ZBTB37: variants seen among roughly 807,000 people sequenced by gnomAD.
ZBTB37 encodes the protein zinc finger and BTB domain containing 37.
In ZBTB37, 15 loss-of-function variants were observed where a neutral mutation model predicts 37.7. The observed-to-expected ratio is 0.40, with a 90% CI of 0.27 to 0.61. The LOEUF is 0.61. ZBTB37 is among the 20% of genes least tolerant of loss of function. ZBTB37 has a pLI of 0.44. For missense variants in ZBTB37, 514 were observed against 641.9 expected, an observed-to-expected ratio of 0.80 and a Z score of 2.15; for synonymous variants, 231 against 220.6, an observed-to-expected ratio of 1.05 and a Z score of -0.42.
rs199910451 is a variant in ZBTB37 at position 173,871,017 on chromosome 1, T to C, written c.792T>C (p.Asp264=). The C allele has an allele frequency of 6.3e-5, 101 of 1,614,086 alleles. No homozygotes were observed. In the East Asian group the frequency reaches 2.0e-3, roughly 32 times the overall value. Residue 264 remains aspartate (D), a synonymous_variant, in exon 3 of 5, where the codon GAT becomes GAC. Transcript: ENST00000427304. ...CTGAGAATCAGCCTTCTGGAGAAGA[T>C]GGGAGTAGTGCAGAGGAAGTAACAG...
At chr1:173,872,385 A>AT (rs1655631910) in intron 3 of ZBTB37, among the ~76,000 whole-genome samples, 1 of 150,206 alleles carries the variant, frequency 6.7e-6, no homozygotes, top group Non-Finnish European at 1.5e-5. Context: ...ATTTTATTTT[A>AT]TTTTTGAGAT....
chr1:173,872,005 A>G (rs1241754427), intron 3 of ZBTB37, among the ~76,000 whole-genome samples: 1 of 152,232 alleles, frequency 6.6e-6, no homozygotes, highest in Non-Finnish European at 1.5e-5. Flanking sequence ...GTCTTGAGAA[A>G]CAAATGTATC....
downstream of ZBTB37, chr1:173,887,752 G>T (rs2102753597): frequency 6.6e-6 from 1 of 152,336 alleles, no homozygotes; most frequent in African/African-American, 2.4e-5. Flanking sequence ...TTGTTTCAGT[G>T]CAGAGGCATA....
intron 4 of ZBTB37, among the ~76,000 whole-genome samples, chr1:173,874,255 CAAAA>C (rs1285477473): frequency 8.6e-5 from 4 of 46,768 alleles, no homozygotes; most frequent in Non-Finnish European, 1.3e-4. Context: ...AACTCCGTCT[CAAAA>C]AAAAAAAAAA....
chr1:173,870,167 T>G, intron 2 of ZBTB37, 33 bp from the exon 3 acceptor site: 6 of 1,369,922 alleles, frequency 4.4e-6, no homozygotes, highest in Non-Finnish European at 5.9e-6. Context: ...AAATTATAAT[T>G]ATTAATGAGA....
chr1:173,895,843 C>A (rs969482766), exon 4 of ZBTB37: 1 of 152,142 alleles, frequency 6.6e-6, no homozygotes, highest in Non-Finnish European at 1.5e-5. Flanking sequence ...TAGACTGTTC[C>A]TGCTCTGAGA....
At chr1:173,870,623 A>T in exon 3 of ZBTB37, 5 of 1,614,192 alleles carry the variant, frequency 3.1e-6, no homozygotes, top group Non-Finnish European at 4.2e-6. Flanking sequence ...AATGTGGCTG[A>T]GGTTGAAGCA....
chr1:173,875,622 C>T (rs578251799), intron 4 of ZBTB37, among the ~76,000 whole-genome samples: 4 of 152,034 alleles, frequency 2.6e-5, no homozygotes, highest in Non-Finnish European at 5.9e-5. Context: ...CCACCGCGCC[C>T]GGCCTGCATT....
chr1:173,899,397 T>G (rs1041007294), exon 4 of ZBTB37: 6 of 152,188 alleles, frequency 3.9e-5, no homozygotes, highest in Non-Finnish European at 8.8e-5. Flanking sequence ...AATCAGTACT[T>G]TACTGTTGCT....
chr1:173,880,259 A>G (rs941983488), intron 4 of ZBTB37, among the ~76,000 whole-genome samples: 29 of 152,220 alleles, frequency 1.9e-4, no homozygotes, highest in Admixed American at 1.6e-3. Flanking sequence ...GTTGCCCAAT[A>G]AATAGGCACC....
At chr1:173,880,912 T>C (rs1404289897) in intron 4 of ZBTB37, among the ~76,000 whole-genome samples, 1 of 152,182 alleles carries the variant, frequency 6.6e-6, no homozygotes, top group East Asian at 1.9e-4. Flanking sequence ...AATACTGGTA[T>C]GATATTACCT....
exon 4 of ZBTB37, chr1:173,895,463 C>A (rs1330380999): frequency 6.6e-6 from 1 of 152,152 alleles, no homozygotes; most frequent in Middle Eastern, 3.2e-3. Context: ...TTTAAGTTTA[C>A]AAATAGGTGA....
downstream of ZBTB37, chr1:173,891,274 TGAA>T (rs1055499463): frequency 6.6e-6 from 1 of 152,384 alleles, no homozygotes; most frequent in African/African-American, 2.4e-5. Flanking sequence ...AATTTCATTA[TGAA>T]GAAGTATTTT....
At chr1:173,903,074 C>CT (rs756780269) in exon 4 of ZBTB37, 32 of 152,158 alleles carry the variant, frequency 2.1e-4, no homozygotes, top group Non-Finnish European at 3.7e-4. Context: ...CACAAAGACT[C>CT]TAAGACACGA....
At chr1:173,870,708 C>T in exon 3 of ZBTB37, 7 of 1,614,210 alleles carry the variant, frequency 4.3e-6, no homozygotes, top group Non-Finnish European at 5.9e-6. Flanking sequence ...ATCTCAACCG[C>T]TCCCTTAGCC....
chr1:173,871,218 A>G (rs1015643721), intron 3 of ZBTB37, 70 bp downstream of exon 3: 4 of 1,378,864 alleles, frequency 2.9e-6, no homozygotes, highest in East Asian at 2.5e-5. Context: ...TGTCCTCTGT[A>G]GTACAGAGAG....
exon 4 of ZBTB37, chr1:173,894,280 T>C (rs1331282783): frequency 6.6e-6 from 1 of 152,202 alleles, no homozygotes; most frequent in Non-Finnish European, 1.5e-5. Context: ...TTACTTAAAA[T>C]CAACCATTTC....
chr1:173,883,332 T>C (rs1235406479), intron 4 of ZBTB37, among the ~76,000 whole-genome samples: 3 of 151,998 alleles, frequency 2.0e-5, no homozygotes, highest in Non-Finnish European at 2.9e-5. Context: ...TACAAAAAAT[T>C]AGCCAGGCAT....
chr1:173,900,320 A>G (rs1222914615), exon 4 of ZBTB37: 1 of 152,186 alleles, frequency 6.6e-6, no homozygotes, highest in South Asian at 2.1e-4. Flanking sequence ...TGGGATGTCA[A>G]AGACCTAACC....
Sources: allele counts gnomAD v4.1 joint callset (sites outside exome capture counted in the v4.1 genomes callset), GRCh38; gene constraint gnomAD v4.1.1; transcripts MANE v1.5; gene names NCBI Gene and HGNC (gene_info 2026-07-23, HGNC 2026-07-21).